PTPRD: variants seen among roughly 807,000 people sequenced by gnomAD.
PTPRD encodes the protein protein tyrosine phosphatase receptor type D, also known as receptor-type tyrosine-protein phosphatase delta.
A neutral mutation model predicts 214.5 loss-of-function variants in PTPRD; 34 were observed. That is an observed-to-expected ratio of 0.16 (90% CI 0.12 to 0.21). PTPRD has a LOEUF of 0.21. PTPRD is among the 10% of genes least tolerant of loss of function. PTPRD has a pLI of 1.00. For synonymous variants in PTPRD, 1,128 were observed against 845.7 expected, an observed-to-expected ratio of 1.33 and a Z score of -5.79; for missense variants, 2,545 against 2,398.7, an observed-to-expected ratio of 1.06 and a Z score of -1.27.
At chr9:8,688,419 G>C (rs13294555) in intron 12 of PTPRD, among the ~76,000 whole-genome samples, 2 of 152,008 alleles carry the variant, frequency 1.3e-5, no homozygotes, top group African/African-American at 4.8e-5. Context: ...ACCAAAATTA[G>C]CCGGGCGTGG....
intron 3 of PTPRD, among the ~76,000 whole-genome samples, chr9:10,048,580 A>T (rs1477444911): frequency 6.6e-6 from 1 of 152,010 alleles, no homozygotes; most frequent in East Asian, 1.9e-4. Context: ...ATTTTTTACT[A>T]CTAATTTCAT....
At chr9:9,887,364 T>C (rs974719959) in intron 5 of PTPRD, among the ~76,000 whole-genome samples, 1 of 152,156 alleles carries the variant, frequency 6.6e-6, no homozygotes, top group African/African-American at 2.4e-5. Context: ...AGCTATTCTC[T>C]TCTCCTGCAA....
chr9:10,451,863 A>G (rs930324981), intron 2 of PTPRD, among the ~76,000 whole-genome samples: 1 of 152,008 alleles, frequency 6.6e-6, no homozygotes, highest in Non-Finnish European at 1.5e-5. Flanking sequence ...CCCTACTCGT[A>G]TGTTACATAC....
intron 6 of PTPRD, among the ~76,000 whole-genome samples, chr9:9,763,530 T>G (rs1228662363): frequency 6.6e-6 from 1 of 152,156 alleles, no homozygotes; most frequent in Non-Finnish European, 1.5e-5. Context: ...TTATCAAAAT[T>G]TATAAAAGGT....
chr9:9,199,080 C>T (rs532119845), intron 9 of PTPRD, among the ~76,000 whole-genome samples: 42 of 152,192 alleles, frequency 2.8e-4, no homozygotes, highest in Admixed American at 1.6e-3. Flanking sequence ...GATTGAAAGA[C>T]GGCTGAGAGC....
chr9:9,652,554 C>T (rs1400152395), intron 7 of PTPRD, among the ~76,000 whole-genome samples: 1 of 151,918 alleles, frequency 6.6e-6, no homozygotes, highest in Non-Finnish European at 1.5e-5. Context: ...TGAAATCCTT[C>T]AGGACAAATT....
intron 4 of PTPRD, among the ~76,000 whole-genome samples, chr9:9,999,778 A>T (rs2096263558): frequency 1.3e-5 from 2 of 152,202 alleles, no homozygotes; most frequent in South Asian, 4.1e-4. Flanking sequence ...CAGGAGTAAT[A>T]GTTTTTACTA....
At chr9:9,632,631 G>C (rs1454838138) in intron 7 of PTPRD, among the ~76,000 whole-genome samples, 1 of 151,488 alleles carries the variant, frequency 6.6e-6, no homozygotes, top group African/African-American at 2.4e-5. Flanking sequence ...AAAAAGGAGA[G>C]ATAGTTCAAA....
At chr9:10,419,497 A>G (rs1157039272) in intron 2 of PTPRD, among the ~76,000 whole-genome samples, 3 of 152,058 alleles carry the variant, frequency 2.0e-5, no homozygotes, top group Non-Finnish European at 2.9e-5. Context: ...TAAAACAGCA[A>G]TATTTCTAAA....
At chr9:8,412,080 C>A (rs548905254) in intron 35 of PTPRD, among the ~76,000 whole-genome samples, 49 of 152,226 alleles carry the variant, frequency 3.2e-4, no homozygotes, top group African/African-American at 1.1e-3. Flanking sequence ...ACTTGATCTG[C>A]AAATCACTTA....
At chr9:9,654,864 A>G (rs2096466970) in intron 7 of PTPRD, among the ~76,000 whole-genome samples, 1 of 152,172 alleles carries the variant, frequency 6.6e-6, no homozygotes, top group Admixed American at 6.5e-5. Flanking sequence ...AAAGCCCAAG[A>G]TAAAATTGGT....
chr9:9,005,668 G>T (rs1305673419), intron 11 of PTPRD, among the ~76,000 whole-genome samples: 1 of 151,966 alleles, frequency 6.6e-6, no homozygotes, highest in Non-Finnish European at 1.5e-5. Context: ...GTACCCAAGG[G>T]TGCCTTTTAA....
intron 14 of PTPRD, among the ~76,000 whole-genome samples, chr9:8,598,308 C>G (rs1321920140): frequency 2.0e-5 from 3 of 151,670 alleles, no homozygotes; most frequent in African/African-American, 7.3e-5. Context: ...GAAAATTAGC[C>G]CAGTATGGTG....
At chr9:9,854,509 T>A (rs1338104832) in intron 5 of PTPRD, among the ~76,000 whole-genome samples, 2 of 145,802 alleles carry the variant, frequency 1.4e-5, no homozygotes, top group African/African-American at 5.1e-5. Context: ...GATATCTAAT[T>A]TTTTTCTCAG....
At chr9:9,395,589 C>T (rs1324700330) in intron 9 of PTPRD, among the ~76,000 whole-genome samples, 4 of 152,056 alleles carry the variant, frequency 2.6e-5, no homozygotes, top group Non-Finnish European at 5.9e-5. Context: ...TTCAGATTTC[C>T]TTGTACCAGT....
chr9:9,865,359 T>C (rs1445484921), intron 5 of PTPRD, among the ~76,000 whole-genome samples: 2 of 152,206 alleles, frequency 1.3e-5, no homozygotes, highest in Admixed American at 1.3e-4. Context: ...GATTAATCTA[T>C]TCCCAGATTA....
intron 5 of PTPRD, among the ~76,000 whole-genome samples, chr9:9,803,087 T>A (rs1025396381): frequency 2.6e-5 from 4 of 151,886 alleles, no homozygotes; most frequent in Non-Finnish European, 5.9e-5. Flanking sequence ...ATTGTAAATT[T>A]AAAAATCTAT....
At chr9:10,441,492 G>A (rs1457099376) in intron 2 of PTPRD, among the ~76,000 whole-genome samples, 4 of 151,556 alleles carry the variant, frequency 2.6e-5, no homozygotes, top group Non-Finnish European at 5.9e-5. Flanking sequence ...TACATTTCAA[G>A]CCTCAGTCCA....
intron 39 of PTPRD, among the ~76,000 whole-genome samples, chr9:8,359,444 G>C (rs920292078): frequency 6.6e-6 from 1 of 151,380 alleles, no homozygotes; most frequent in Non-Finnish European, 1.5e-5. Flanking sequence ...CTTGCTTCAG[G>C]CTCCCGAGTA....
Sources: allele counts gnomAD v4.1 joint callset (sites outside exome capture counted in the v4.1 genomes callset), GRCh38; gene constraint gnomAD v4.1.1; transcripts MANE v1.5; gene names NCBI Gene and HGNC (gene_info 2026-07-23, HGNC 2026-07-21).